Variants in PLXNA4 observed in about 807,000 individuals in gnomAD.
PLXNA4 encodes the protein plexin-A4.
A neutral mutation model predicts 191.8 loss-of-function variants in PLXNA4; 44 were observed. The observed-to-expected ratio is 0.23, with a 90% CI of 0.18 to 0.29. The LOEUF is 0.29. PLXNA4 is among the 10% of genes least tolerant of loss of function. The probability of loss-of-function intolerance (pLI) is 1.00; values close to 1 mark genes in which losing one functional copy is unlikely to be tolerated. For missense variants in PLXNA4, 1,800 were observed against 2,488.8 expected (o/e 0.72, Z 5.89); for synonymous variants, 1,082 against 1,009.5 (o/e 1.07, Z -1.36).
At chr7:132,641,620 T>C (rs1041466952) in intron 2 of PLXNA4, among the ~76,000 whole-genome samples, 3 of 152,226 alleles carry the variant, frequency 2.0e-5, no homozygotes, top group African/African-American at 7.2e-5. Flanking sequence ...TGCAAGAGAA[T>C]AGTGATCTTA....
At chr7:132,280,537 G>T (rs1426383680) in intron 4 of PLXNA4, among the ~76,000 whole-genome samples, 1 of 152,134 alleles carries the variant, frequency 6.6e-6, no homozygotes, top group Non-Finnish European at 1.5e-5. Context: ...TGCCTGTCTG[G>T]GGATTTCTTA....
intron 3 of PLXNA4, among the ~76,000 whole-genome samples, chr7:132,473,727 A>G (rs904983470): frequency 3.3e-5 from 5 of 152,150 alleles, no homozygotes; most frequent in Non-Finnish European, 7.3e-5. Context: ...TTTCAGTCAT[A>G]TTAGAGAAGA....
intron 1 of PLXNA4, among the ~76,000 whole-genome samples, chr7:132,558,326 A>C (rs1201473836): frequency 6.6e-6 from 1 of 152,204 alleles, no homozygotes; most frequent in African/African-American, 2.4e-5. Flanking sequence ...CAAATTTTCT[A>C]TATTTGGTCA....
At chr7:132,184,804 A>G (rs73723719) in intron 16 of PLXNA4, among the ~76,000 whole-genome samples, 10,834 of 152,232 alleles carry the variant, frequency 0.071, 950 homozygotes, top group African/African-American at 0.17. Flanking sequence ...GAGGGGAAAT[A>G]TAAGCAGGCA....
chr7:132,583,752 T>G (rs988929334), intron 2 of PLXNA4, among the ~76,000 whole-genome samples: 1 of 152,190 alleles, frequency 6.6e-6, no homozygotes. Flanking sequence ...CCCTATATTC[T>G]TCCTCTGTTT....
Position 132,298,179 on chromosome 7 carries a change from G to A in PLXNA4, c.1415C>T (p.Thr472Met), listed in dbSNP as rs763403636. Residue 472 changes from threonine (T) to methionine (M), a missense_variant, in exon 4 of 32, where the codon ACG becomes ATG. Transcript: ENST00000321063. ...TGGGCCGGGGTCCACCACCTGCACCGTCTCATACTGGAGGGCGTTGCCCCT... is the reference window on the plus strand; with the variant it reads ...TGGGCCGGGGTCCACCACCTGCACCATCTCATACTGGAGGGCGTTGCCCCT... ...GPRGNALQYE[T>M]VQVVDPGPVL... The A allele has an allele frequency of 5.6e-5, 90 of 1,614,048 alleles. No homozygotes were observed. Among genetic ancestry groups the A allele is most frequent in the South Asian group, 1.6e-4 (15 of 91,082 alleles).
At chr7:132,303,100 C>T (rs1801369820) in intron 3 of PLXNA4, among the ~76,000 whole-genome samples, 1 of 151,420 alleles carries the variant, frequency 6.6e-6, no homozygotes, top group Non-Finnish European at 1.5e-5. Context: ...TGGTCTCAAA[C>T]TCGACCTCGT....
intron 4 of PLXNA4, among the ~76,000 whole-genome samples, chr7:132,278,200 C>A (rs1800347333): frequency 1.3e-5 from 2 of 152,188 alleles, no homozygotes; most frequent in African/African-American, 4.8e-5. Context: ...TTACATACAA[C>A]CTGAATCTCA....
At chr7:132,262,144 C>T (rs1799669397) in intron 4 of PLXNA4, among the ~76,000 whole-genome samples, 1 of 152,176 alleles carries the variant, frequency 6.6e-6, no homozygotes, top group Non-Finnish European at 1.5e-5. Flanking sequence ...CCTTCCAGAC[C>T]AGGCTAAAAC....
chr7:132,143,758 C>T (rs564999118), intron 29 of PLXNA4, among the ~76,000 whole-genome samples: 2 of 152,156 alleles, frequency 1.3e-5, no homozygotes, highest in African/African-American at 2.4e-5. Context: ...AGGAGGAAAT[C>T]GCATCACAAA....
intron 4 of PLXNA4, among the ~76,000 whole-genome samples, chr7:132,286,581 C>T (rs1800691159): frequency 1.3e-5 from 2 of 152,252 alleles, no homozygotes; most frequent in South Asian, 4.2e-4. Context: ...CCTCACCCAC[C>T]CCTGCTCTAC....
intron 2 of PLXNA4, among the ~76,000 whole-genome samples, chr7:132,624,286 A>G (rs777425275): frequency 2.4e-4 from 37 of 152,162 alleles, no homozygotes; most frequent in Non-Finnish European, 7.4e-5. Flanking sequence ...TGGTGATGGT[A>G]GCATACTATT....
intron 3 of PLXNA4, among the ~76,000 whole-genome samples, chr7:132,469,733 A>G (rs1796862271): frequency 6.6e-6 from 1 of 152,252 alleles, no homozygotes; most frequent in Admixed American, 6.5e-5. Flanking sequence ...CTCCAAGAAT[A>G]GAAAGACCAC....
intron 6 of PLXNA4, 110 bp from the exon 7 acceptor site, chr7:132,227,714 A>C (rs996281475): frequency 4.5e-5 from 62 of 1,380,948 alleles, no homozygotes; most frequent in Non-Finnish European, 6.0e-5. Context: ...GGGAAAGCAA[A>C]GACAAGCAAG....
At position 132,189,017 on chromosome 7, in the gene PLXNA4, A is replaced by AAAG. The variant is rs1562909056; in HGVS notation, c.2857-1411_2857-1410insCTT. Among the ~76,000 whole-genome samples, 430 of 89,442 alleles carry AAAG rather than the reference A, an allele frequency of 4.8e-3. 4 individuals are homozygous for AAAG. The highest frequency in any genetic ancestry group is 0.023 in the East Asian group (72 of 3,154). 58.7% of individuals were successfully genotyped at this position (89,442 alleles called of 152,430 possible). On this transcript the variant is annotated intron_variant, in intron 14 of 31. Coordinates refer to ENST00000321063, the MANE Select transcript of PLXNA4 (RefSeq NM_020911.2). Reference sequence around the variant, plus strand: ...AGGAGAGAGAGAGAGAGAGAGAGAGAGAGAGAGAGAGAAAGAGAGAGAGAG... The same window carrying AAAG: ...AGGAGAGAGAGAGAGAGAGAGAGAGAAAGGAGAGAGAGAGAAAGAGAGAGAGAG...
intron 3 of PLXNA4, among the ~76,000 whole-genome samples, chr7:132,454,597 C>A (rs1796248334): frequency 6.6e-6 from 1 of 151,984 alleles, no homozygotes; most frequent in Non-Finnish European, 1.5e-5. Context: ...AAGTCCCAAC[C>A]CCCAGTACCT....
chr7:132,337,115 G>A (rs540056614), intron 3 of PLXNA4, among the ~76,000 whole-genome samples: 15 of 152,290 alleles, frequency 9.8e-5, no homozygotes, highest in Admixed American at 2.0e-4. Context: ...CAATGTGTCC[G>A]CAGGGCAAAG....
intron 1 of PLXNA4, among the ~76,000 whole-genome samples, chr7:132,550,003 G>A (rs75461412): frequency 0.023 from 3,441 of 152,280 alleles, 57 homozygotes; most frequent in South Asian, 0.049. Context: ...CTGAGCCCAG[G>A]ATCCAGTTGC....
intron 3 of PLXNA4, among the ~76,000 whole-genome samples, chr7:132,428,149 C>T (rs998735866): frequency 1.3e-5 from 2 of 152,144 alleles, no homozygotes; most frequent in African/African-American, 4.8e-5. Context: ...CTGCCTGCCC[C>T]CACCAGAGAA....
Sources: allele counts gnomAD v4.1 joint callset (sites outside exome capture counted in the v4.1 genomes callset), GRCh38; gene constraint gnomAD v4.1.1; transcripts MANE v1.5; gene names NCBI Gene and HGNC (gene_info 2026-07-23, HGNC 2026-07-21).